Variants in TAAR1 observed in about 807,000 individuals in gnomAD.
TAAR1 encodes the protein trace amine-associated receptor 1.
Under a neutral mutation model 1.2 loss-of-function variants are expected in TAAR1, and 1 was observed. The observed-to-expected ratio is 0.81, with a 90% CI of 0.29 to 3.86. The LOEUF (loss-of-function observed/expected upper bound fraction) is 3.86. TAAR1 is among the 30% of genes most tolerant of loss of function. The pLI, the probability that TAAR1 is intolerant of heterozygous loss-of-function variation, is 0.18. For missense variants in TAAR1, 445 were observed against 405.6 expected (o/e 1.10, Z -0.83); for synonymous variants, 153 against 132.2 (o/e 1.16, Z -1.08).
rs778144070 is a variant in TAAR1 at position 132,645,445 on chromosome 6, T to TA, written c.558dup (p.Ser187Ter). 6.2e-7 allele frequency: 1 copy of TA among 1,613,794 alleles called. No homozygotes were observed. ...AAGGTCAGTACCCCAGATATTTTGC[T>TA]AAAGAAGACAGAGCAACCTCCTCTG... is the stretch of plus-strand genomic sequence containing the variant. On this transcript the variant is annotated frameshift_variant, in exon 2 of 2. Transcript: ENST00000275216. LOFTEE classifies it low-confidence loss of function (END_TRUNC).
chr6:132,654,566 G>A (rs1777782273), intron 1 of TAAR1, among the ~76,000 whole-genome samples: 1 of 152,110 alleles, frequency 6.6e-6, no homozygotes, highest in African/African-American at 2.4e-5. Flanking sequence ...ACTGTATACA[G>A]AACAATAAGA....
chr6:132,647,650 AAGAAAGAAAGAAAG>A (rs1777698137), intron 1 of TAAR1, among the ~76,000 whole-genome samples: 1 of 149,388 alleles, frequency 6.7e-6, no homozygotes, highest in Admixed American at 6.7e-5. Flanking sequence ...GAAAGAAAGA[AAGAAAGAAAGAAAG>A]AAAGAAAGAA....
intron 1 of TAAR1, among the ~76,000 whole-genome samples, chr6:132,651,866 T>A (rs1777753261): frequency 6.6e-6 from 1 of 152,180 alleles, no homozygotes. Context: ...TGAGACATTG[T>A]CAGCCATGCG....
At position 132,645,324 on chromosome 6, in the gene TAAR1, G is replaced by C. The variant is rs137941823; in HGVS notation, c.680C>G (p.Ala227Gly). ...CAATCCAATTTGGAGCTTCTGATTG[G>C]CATCACTAATTAATCTTGCCTGTTC... The part of the protein sequence containing the change: ...AKEQARLISD[A>G]NQKLQIGLEM... Residue 227 changes from alanine (A) to glycine (G), a missense_variant, in exon 2 of 2, where the codon GCC (alanine) becomes GGC (glycine). By Grantham distance (60) the Ala-to-Gly change is moderately conservative. Transcript: ENST00000275216. 1.2e-6 allele frequency: 2 copies of C among 1,613,232 alleles called. No homozygotes were observed. Among genetic ancestry groups the C allele is most frequent in the African/African-American group, 1.3e-5 (1 of 74,786 alleles).
Position 132,644,350 on chromosome 6 carries a change from G to A in TAAR1, c.*634C>T, listed in dbSNP as rs141728882. 2.7e-5 allele frequency among the ~76,000 whole-genome samples: 4 copies of A among 150,808 alleles called. No individual in the cohort carries two copies. Among genetic ancestry groups the A allele is most frequent in the Non-Finnish European group, 5.9e-5 (4 of 67,618 alleles). On this transcript the variant is annotated 3_prime_UTR_variant, in exon 2 of 2. Transcript: ENST00000275216. ...TAATCCTTACCAGGAAGTATACTATGAATAACATTTTTTTAATTTCATTTG... is the reference window on the plus strand; with the variant it reads ...TAATCCTTACCAGGAAGTATACTATAAATAACATTTTTTTAATTTCATTTG...
At chr6:132,647,619 AAAAG>A (rs750637043) in intron 1 of TAAR1, among the ~76,000 whole-genome samples, 10 of 116,018 alleles carry the variant, frequency 8.6e-5, no homozygotes, top group African/African-American at 2.9e-4. Flanking sequence ...GAAAGAAAGA[AAAAG>A]GAAAGAAAGA....
rs143131484 is a variant in TAAR1, at chr6:132,658,757, C to T, written c.-127+373G>A. Among the ~76,000 whole-genome samples the T allele has an allele frequency of 3.1e-3, 479 of 152,200 alleles. 5 individuals are homozygous for T. Among genetic ancestry groups the T allele is most frequent in the African/African-American group, 0.011 (465 of 41,540 alleles). On this transcript the variant is annotated intron_variant, in intron 1 of 1. Transcript: ENST00000275216. ...TGTTAAAACTAGCCAATGTACACAG[C>T]ATAGAATTTCTTTCTTCATTAACAA...
chr6:132,646,958 G>A (rs2114274091), intron 1 of TAAR1, among the ~76,000 whole-genome samples: 1 of 152,198 alleles, frequency 6.6e-6, no homozygotes, highest in African/African-American at 2.4e-5. Context: ...AAGAATTTAT[G>A]ATGTCTTAAA....
intron 1 of TAAR1, among the ~76,000 whole-genome samples, chr6:132,647,617 GAAAAAGGAAAGA>G (rs1469700517): frequency 5.4e-5 from 5 of 93,158 alleles, no homozygotes; most frequent in African/African-American, 2.0e-4. Context: ...AAGAAAGAAA[GAAAAAGGAAAGA>G]AAGAAAGAAA....
chr6:132,657,042 G>A (rs1231116455), intron 1 of TAAR1, among the ~76,000 whole-genome samples: 1 of 152,022 alleles, frequency 6.6e-6, no homozygotes, highest in African/African-American at 2.4e-5. Flanking sequence ...ATTGAAAGGG[G>A]TTATGTTAAT....
chr6:132,658,967 T>A (rs1437885500), intron 1 of TAAR1, among the ~76,000 whole-genome samples, 163 bp downstream of exon 1: 2 of 152,208 alleles, frequency 1.3e-5, no homozygotes, highest in Non-Finnish European at 1.5e-5. Context: ...CAGAAAACCC[T>A]TGTTAATCTT....
Position 132,645,792 on chromosome 6 carries a change from AGAAAGTCCACAGTG to A in TAAR1, c.198_211del (p.Thr67SerfsTer15). On this transcript the variant is annotated frameshift_variant, in exon 2 of 2. Transcript: ENST00000275216. LOFTEE classifies it low-confidence loss of function (END_TRUNC). ...GTAAGGCATGACCAGACACCCCAGA[AGAAAGTCCACAGTG>A]GCCATGGAATGAATGAGCCAATTTG... 6.2e-7 allele frequency: 1 copy of A among 1,613,818 alleles called. No homozygotes were observed. Among genetic ancestry groups the A allele is most frequent in the Non-Finnish European group, 8.5e-7 (1 of 1,179,836 alleles).
At chr6:132,652,922 A>G (rs1196489719) in intron 1 of TAAR1, among the ~76,000 whole-genome samples, 2 of 151,958 alleles carry the variant, frequency 1.3e-5, no homozygotes, top group Non-Finnish European at 2.9e-5. Context: ...CAAATAAAAG[A>G]AAAGGAGGTC....
At chr6:132,649,681 G>A (rs1777729418) in intron 1 of TAAR1, among the ~76,000 whole-genome samples, 1 of 152,140 alleles carries the variant, frequency 6.6e-6, no homozygotes, top group Non-Finnish European at 1.5e-5. Context: ...TGGGGTAAAA[G>A]CCCCTTAGAA....
chr6:132,653,147 A>T (rs1777766407), intron 1 of TAAR1, among the ~76,000 whole-genome samples: 1 of 152,156 alleles, frequency 6.6e-6, no homozygotes, highest in African/African-American at 2.4e-5. Context: ...ATTTAGGAAA[A>T]GATCAAGATC....
At chr6:132,653,181 T>C (rs74593073) in intron 1 of TAAR1, among the ~76,000 whole-genome samples, 3,539 of 152,214 alleles carry the variant, frequency 0.023, 98 homozygotes, top group East Asian at 0.11. Flanking sequence ...CCCAAGGAAA[T>C]TGGCATCCCA....
At chr6:132,650,359 T>A (rs1777736900) in intron 1 of TAAR1, among the ~76,000 whole-genome samples, 1 of 152,232 alleles carries the variant, frequency 6.6e-6, no homozygotes. Context: ...CCTGGCTAAA[T>A]TTGAACACTG....
chr6:132,655,189 GATTAAAA>G (rs1198557652), intron 1 of TAAR1, among the ~76,000 whole-genome samples: 1 of 152,034 alleles, frequency 6.6e-6, no homozygotes, highest in Non-Finnish European at 1.5e-5. Flanking sequence ...AAACACATGA[GATTAAAA>G]ATTAGAGTAC....
In TAAR1 at chr6:132,645,908, G is replaced by A. The variant is rs765903502; in HGVS notation, c.96C>T (p.Leu32=). 3.7e-6 allele frequency: 6 copies of A among 1,613,644 alleles called. No individual in the cohort carries two copies. In the African/African-American group the frequency reaches 6.7e-5, roughly 18 times the overall value. Residue 32 remains leucine, a synonymous_variant, in exon 2 of 2, where the codon CTC becomes CTT. Coordinates refer to ENST00000275216, the MANE Select transcript of TAAR1 (RefSeq NM_138327.4). ...VRASLYSLMV[L]IILTTLVGNL... ...TGCCAACGAGTGTGGTCAGAATTATGAGCACCATTAAACTGTACAGGGAAG... is the reference window on the plus strand; with the variant it reads ...TGCCAACGAGTGTGGTCAGAATTATAAGCACCATTAAACTGTACAGGGAAG...
Sources: gnomAD v4.1 joint callset for allele counts (sites outside exome capture counted in the v4.1 genomes callset) on GRCh38, gnomAD v4.1.1 for gene constraint, MANE v1.5 for transcripts, NCBI Gene and HGNC (gene_info 2026-07-23, HGNC 2026-07-21) for gene names.